The following PHAX variants were observed in gnomAD, a reference collection of about 807,000 sequenced individuals.
PHAX encodes phosphorylated adapter RNA export protein.
Under a neutral mutation model 41.6 loss-of-function variants are expected in PHAX, and 31 were observed. That is an observed-to-expected ratio of 0.75 (90% CI 0.56 to 1.01). The LOEUF is 1.01. PHAX is among the 50% of genes least tolerant of loss of function. The pLI, the probability that PHAX is intolerant of heterozygous loss-of-function variation, is 0.00. For missense variants in PHAX, 453 were observed against 472.9 expected, an observed-to-expected ratio of 0.96 and a Z score of 0.39; for synonymous variants, 175 against 164.9, an observed-to-expected ratio of 1.06 and a Z score of -0.47.
intron 3 of PHAX, among the ~76,000 whole-genome samples, chr5:126,613,019 G>A (rs1329129719): frequency 1.3e-5 from 2 of 152,136 alleles, no homozygotes; most frequent in East Asian, 3.9e-4. Flanking sequence ...AACATGGAAG[G>A]GTATGTATAA....
chr5:126,623,125 CAAA>C (rs935692748), intron 4 of PHAX, among the ~76,000 whole-genome samples: 7 of 137,528 alleles, frequency 5.1e-5, no homozygotes, highest in Admixed American at 3.0e-4. Flanking sequence ...GACTCTGTCT[CAAA>C]AAAAAAAGAA....
At chr5:126,624,284 C>T (rs1213486712) in intron 4 of PHAX, among the ~76,000 whole-genome samples, 1 of 152,138 alleles carries the variant, frequency 6.6e-6, no homozygotes, top group Non-Finnish European at 1.5e-5. Flanking sequence ...GCTGGGATTA[C>T]AGGCATGAGT....
chr5:126,616,700 C>T (rs150804305), intron 3 of PHAX, among the ~76,000 whole-genome samples: 7,085 of 151,766 alleles, frequency 0.047, 548 homozygotes, highest in African/African-American at 0.16. Flanking sequence ...GCCAACATGG[C>T]GAAACCCCGT....
In PHAX at chr5:126,625,900, T is replaced by A. The variant is rs1752341903; in HGVS notation, c.*1056T>A. ...ATTTTTAGTAAAGACTTTCGCCATG[T>A]TGTCCAGGCTGGTCTCGAACTCCTG... On this transcript the variant is annotated 3_prime_UTR_variant, in exon 5 of 5. Transcript: ENST00000297540. 3 of 152,150 alleles carry A rather than the reference T, an allele frequency of 2.0e-5. No individual in the cohort carries two copies. The highest frequency in any genetic ancestry group is 2.0e-4 in the Admixed American group (3 of 15,262). 9.4% of individuals were successfully genotyped at this position (152,150 alleles called of 1,614,324 possible). A position where few individuals can be genotyped will look rare whatever the true frequency, so the allele number is the denominator to read the frequency against.
chr5:126,609,187 G>A (rs1295383390), intron 3 of PHAX, among the ~76,000 whole-genome samples: 3 of 135,036 alleles, frequency 2.2e-5, no homozygotes, highest in Admixed American at 8.7e-5. Context: ...TGCAACCTCC[G>A]CCTCCCGAGT....
rs149546549 is a variant in PHAX, at chr5:126,601,017, G to A, written c.55G>A (p.Asp19Asn). The part of the protein sequence containing the change: ...EDGQLSDSDS[D>N]MTVAPSDRPL... ...TGGGCAGCTTTCCGACTCGGATTCCGACATGACGGTCGCACCCAGCGACAG... is the reference window on the plus strand; with the variant it reads ...TGGGCAGCTTTCCGACTCGGATTCCAACATGACGGTCGCACCCAGCGACAG... The change falls in exon 1 of 5, where the codon GAC (aspartate) becomes AAC (asparagine). Residue 19 changes from aspartate to asparagine, a missense_variant. By Grantham distance (23) the Asp-to-Asn change is conservative. Transcript: ENST00000297540. The A allele has an allele frequency of 2.0e-5, 32 of 1,606,884 alleles. No individual in the cohort carries two copies. The highest frequency in any genetic ancestry group is 2.6e-5 in the Non-Finnish European group (31 of 1,176,822).
At chr5:126,606,848 G>T (rs956862263) in intron 2 of PHAX, among the ~76,000 whole-genome samples, 2 of 151,948 alleles carry the variant, frequency 1.3e-5, no homozygotes, top group Non-Finnish European at 2.9e-5. Context: ...GTAGAGACAG[G>T]GTTTCACCTT....
chr5:126,623,922 C>G (rs1050968428), intron 4 of PHAX, among the ~76,000 whole-genome samples: 1 of 151,348 alleles, frequency 6.6e-6, no homozygotes, highest in African/African-American at 2.4e-5. Flanking sequence ...TGAACCGTCT[C>G]TGTTTTAGTA....
At chr5:126,602,004 T>C (rs939323121) in intron 1 of PHAX, among the ~76,000 whole-genome samples, 2 of 152,030 alleles carry the variant, frequency 1.3e-5, no homozygotes, top group African/African-American at 4.8e-5. Context: ...TGAGACGAGA[T>C]TTCTCCATGT....
chr5:126,620,733 C>T (rs1190515974), intron 4 of PHAX, among the ~76,000 whole-genome samples: 1 of 151,426 alleles, frequency 6.6e-6, no homozygotes, highest in Non-Finnish European at 1.5e-5. Context: ...CTTACAAGGA[C>T]ATTCTTTTGT....
intron 4 of PHAX, among the ~76,000 whole-genome samples, chr5:126,621,910 G>T (rs1334826053): frequency 6.6e-6 from 1 of 152,106 alleles, no homozygotes; most frequent in African/African-American, 2.4e-5. Flanking sequence ...TTCCCACTTT[G>T]TTCTATTAAA....
At chr5:126,618,683 T>C (rs1181060135) in intron 4 of PHAX, among the ~76,000 whole-genome samples, 1 of 151,596 alleles carries the variant, frequency 6.6e-6, no homozygotes, top group African/African-American at 2.4e-5. Context: ...TTTTTTTTTT[T>C]TGAGATGGAG....
At chr5:126,618,467 TA>T (rs1359553226) in intron 4 of PHAX, among the ~76,000 whole-genome samples, 5 of 151,930 alleles carry the variant, frequency 3.3e-5, no homozygotes, top group African/African-American at 1.2e-4. Context: ...CTAAGAGAAA[TA>T]AAAACAATTT....
chr5:126,623,583 T>TC (rs1752303771), intron 4 of PHAX, among the ~76,000 whole-genome samples: 1 of 152,156 alleles, frequency 6.6e-6, no homozygotes, highest in Admixed American at 6.6e-5. Context: ...CCTCAGTTCC[T>TC]CCTCTTTAGC....
intron 2 of PHAX, among the ~76,000 whole-genome samples, chr5:126,607,415 T>G (rs1390796450): frequency 9.7e-6 from 1 of 103,548 alleles, no homozygotes; most frequent in Non-Finnish European, 1.8e-5. Context: ...TTTTTTTTTT[T>G]GAGACGGAGT....
In PHAX at chr5:126,627,107, C is replaced by G. The variant is rs551641532; in HGVS notation, c.*2263C>G. ...AAATGTAAAATTCAGCAATTATAAACTGTTCCTTACAGACAGTGTACTTGA... is the reference window on the plus strand; with the variant it reads ...AAATGTAAAATTCAGCAATTATAAAGTGTTCCTTACAGACAGTGTACTTGA... On this transcript the variant is annotated 3_prime_UTR_variant, in exon 5 of 5. Coordinates refer to ENST00000297540, the MANE Select transcript of PHAX (RefSeq NM_032177.4). 2.6e-5 allele frequency: 4 copies of G among 152,268 alleles called. No homozygotes were observed. The highest frequency in any genetic ancestry group is 7.2e-5 in the African/African-American group (3 of 41,548). 9.4% of individuals were successfully genotyped at this position (152,268 alleles called of 1,614,324 possible).
At chr5:126,619,142 G>T (rs1487486165) in intron 4 of PHAX, among the ~76,000 whole-genome samples, 1 of 152,116 alleles carries the variant, frequency 6.6e-6, no homozygotes, top group Non-Finnish European at 1.5e-5. Flanking sequence ...GGCCAGGCTG[G>T]TCTCCAACTC....
intron 4 of PHAX, among the ~76,000 whole-genome samples, chr5:126,622,896 C>A (rs935725281): frequency 2.0e-5 from 3 of 151,992 alleles, no homozygotes; most frequent in Admixed American, 2.0e-4. Flanking sequence ...GAGGCCGAGG[C>A]AGGTGGGTCA....
intron 3 of PHAX, among the ~76,000 whole-genome samples, chr5:126,613,358 A>G (rs1395788261): frequency 2.6e-5 from 4 of 152,148 alleles, no homozygotes; most frequent in Admixed American, 2.6e-4. Context: ...TCAAAAATAA[A>G]TAAACAAGCC....
Sources: allele counts gnomAD v4.1 joint callset (sites outside exome capture counted in the v4.1 genomes callset), GRCh38; gene constraint gnomAD v4.1.1; transcripts MANE v1.5; gene names NCBI Gene and HGNC (gene_info 2026-07-23, HGNC 2026-07-21).